CFAP20DC: variants seen among roughly 807,000 people sequenced by gnomAD.
CFAP20DC encodes CFAP20 domain containing, also known as protein CFAP20DC.
In CFAP20DC, 84 loss-of-function variants were observed where a neutral mutation model predicts 101.7. That is an observed-to-expected ratio of 0.83 (90% CI 0.69 to 0.99). CFAP20DC has a LOEUF of 0.99. Among genes scored for constraint, CFAP20DC ranks in the 50% least tolerant of loss-of-function variants. The probability of loss-of-function intolerance (pLI) is 0.00; values close to 1 mark genes in which losing one functional copy is unlikely to be tolerated. For synonymous variants in CFAP20DC, 359 were observed against 351.2 expected (o/e 1.02, Z -0.25); for missense variants, 1,007 against 970.3 (o/e 1.04, Z -0.50).
intron 15 of CFAP20DC, among the ~76,000 whole-genome samples, chr3:58,785,316 G>A (rs982828325): frequency 2.0e-5 from 3 of 152,048 alleles, no homozygotes; most frequent in African/African-American, 7.2e-5. Context: ...AGACAGGTTT[G>A]TTAATGGGTA....
At chr3:58,887,787 T>C (rs912365294) in intron 6 of CFAP20DC, among the ~76,000 whole-genome samples, 2 of 152,194 alleles carry the variant, frequency 1.3e-5, no homozygotes, top group African/African-American at 4.8e-5. Flanking sequence ...GGATTATTCT[T>C]TGAGGGAAAC....
intron 14 of CFAP20DC, among the ~76,000 whole-genome samples, chr3:58,816,955 A>T (rs2107852219): frequency 6.6e-6 from 1 of 152,328 alleles, no homozygotes; most frequent in South Asian, 2.1e-4. Flanking sequence ...GAACCAGCAG[A>T]CTGCCTCCTC....
chr3:58,779,908 T>C (rs1470234963), intron 15 of CFAP20DC, among the ~76,000 whole-genome samples: 2 of 152,042 alleles, frequency 1.3e-5, no homozygotes, highest in African/African-American at 2.4e-5. Flanking sequence ...TGGCACAGTA[T>C]AGTAAAAAAT....
intron 15 of CFAP20DC, among the ~76,000 whole-genome samples, chr3:58,803,465 C>A (rs2073849747): frequency 6.6e-6 from 1 of 152,120 alleles, no homozygotes; most frequent in Non-Finnish European, 1.5e-5. Flanking sequence ...ATTTTAGGGT[C>A]TAAAGCATTG....
rs2091406915 is a variant in CFAP20DC at position 58,964,690 on chromosome 3, T to C, written c.279-26928A>G. ...ATTTACATATTTTTGGTTTTGTGTG[T>C]ACATCAAATTGCACACACATTTTTG... is the stretch of plus-strand genomic sequence containing the variant. On this transcript the variant is annotated intron_variant, in intron 4 of 16. Transcript: ENST00000482387. The surrounding 1 kb of genome is among the most constrained non-coding windows in gnomAD (Gnocchi z 4.1). 6.6e-6 allele frequency among the ~76,000 whole-genome samples: 1 copy of C among 152,256 alleles called. No homozygotes were observed. Among genetic ancestry groups the C allele is most frequent in the East Asian group, 1.9e-4 (1 of 5,204 alleles).
At chr3:58,911,481 G>T (rs2084147593) in intron 6 of CFAP20DC, among the ~76,000 whole-genome samples, 1 of 152,078 alleles carries the variant, frequency 6.6e-6, no homozygotes. Flanking sequence ...ACATAAGCAG[G>T]CTTGTAGGAT....
chr3:58,733,223 T>C (rs2067680097), intron 3 of CFAP20DC, among the ~76,000 whole-genome samples: 1 of 152,114 alleles, frequency 6.6e-6, no homozygotes, highest in Non-Finnish European at 1.5e-5. Context: ...TCCCAGCTAC[T>C]CGGGAGGCTG....
chr3:58,777,091 A>G lies in CFAP20DC; in HGVS notation c.2238-23228T>C, dbSNP rs868727873. Among the ~76,000 whole-genome samples, 8 of 152,170 alleles carry G rather than the reference A, an allele frequency of 5.3e-5. No homozygotes were observed. The South Asian group carries it at 1.0e-3, about 20-fold the overall frequency. The stretch of plus-strand genomic sequence containing the variant: ...AATATAGCTACTTATCTCCCTCACA[A>G]ATAATTTCCTTGTGGATAAAGAACA... On this transcript the variant is annotated intron_variant, in intron 15 of 16. Transcript: ENST00000482387.
intron 11 of CFAP20DC, 36 bp downstream of exon 11, chr3:58,866,530 C>A: frequency 1.3e-6 from 2 of 1,511,166 alleles, no homozygotes; most frequent in Admixed American, 2.2e-5. Context: ...ACATTTTATT[C>A]ATTATTAACA....
intron 15 of CFAP20DC, chr3:58,794,464 G>A: frequency 2.8e-6 from 1 of 353,970 alleles, no homozygotes; most frequent in South Asian, 2.2e-5. Context: ...GACTTCTATG[G>A]TATTTATTAT....
chr3:58,941,663 G>C lies in CFAP20DC; in HGVS notation c.279-3901C>G, dbSNP rs376456649. Among the ~76,000 whole-genome samples, 38 of 152,008 alleles carry C rather than the reference G, an allele frequency of 2.5e-4. No individual in the cohort carries two copies. The Middle Eastern group carries it at 0.01, about 41-fold the overall frequency. ...GGCTCACTGCAAGCTCCGCCTCCTG[G>C]GTTCACGCCATTCTCCTGCCTCAGC... On this transcript the variant is annotated intron_variant, in intron 4 of 16. Coordinates refer to ENST00000482387, the MANE Select transcript of CFAP20DC (RefSeq NM_001394063.1).
chr3:58,953,086 T>C (rs945291682), intron 4 of CFAP20DC, among the ~76,000 whole-genome samples: 2 of 152,024 alleles, frequency 1.3e-5, no homozygotes, highest in Admixed American at 1.3e-4. Flanking sequence ...GGGTGGGAAG[T>C]ATTATTTTAG....
intron 3 of CFAP20DC, among the ~76,000 whole-genome samples, chr3:58,720,942 G>A (rs528089756): frequency 6.6e-6 from 1 of 152,320 alleles, no homozygotes; most frequent in East Asian, 1.9e-4. Context: ...GTGTCCACAT[G>A]CTTGCTTGGG....
Position 58,787,516 on chromosome 3 carries a change from A to C in CFAP20DC, c.2237+18879T>G, listed in dbSNP as rs570529587. Reference sequence around the variant, plus strand: ...AAAAAGAATAAATTAAAAAACCAACAAACAAACAAACAAAAAACTCCAATT... The same window carrying C: ...AAAAAGAATAAATTAAAAAACCAACCAACAAACAAACAAAAAACTCCAATT... On this transcript the variant is annotated intron_variant, in intron 15 of 16. Transcript: ENST00000482387. 1.5e-3 allele frequency among the ~76,000 whole-genome samples: 221 copies of C among 152,222 alleles called. 1 individual carries two copies. The highest frequency in any genetic ancestry group is 0.014 in the Middle Eastern group (4 of 294).
chr3:58,891,049 G>A (rs1260387201), intron 6 of CFAP20DC, among the ~76,000 whole-genome samples: 54 of 146,618 alleles, frequency 3.7e-4, no homozygotes, highest in Non-Finnish European at 5.9e-4. Context: ...CTGCAATCTC[G>A]GCACTTTGGG....
intron 4 of CFAP20DC, chr3:58,953,586 A>G (rs2090347249): frequency 6.6e-6 from 1 of 152,316 alleles, no homozygotes; most frequent in South Asian, 2.1e-4. Flanking sequence ...GGGAAAACAA[A>G]ATCATGTGCA....
Position 59,049,571 on chromosome 3 carries a change from G to A in CFAP20DC, c.21+40C>T, listed in dbSNP as rs1386005606. On this transcript the variant is annotated intron_variant, in intron 1 of 16. Coordinates refer to ENST00000482387, the MANE Select transcript of CFAP20DC (RefSeq NM_001394063.1). ...GATCACGGACTACCTCACCCAAGAG[G>A]AGAAAGGTATAGACAGGTTGGAGAA... 5.2e-6 allele frequency: 8 copies of A among 1,525,308 alleles called. No individual in the cohort carries two copies. The Admixed American group carries it at 5.9e-5, about 11-fold the overall frequency. The allele number at this position is 1,525,308 out of a possible 1,614,324, so 94.5% of individuals were successfully genotyped here.
chr3:58,962,667 C>T (rs1004287085), intron 4 of CFAP20DC, among the ~76,000 whole-genome samples: 4 of 152,246 alleles, frequency 2.6e-5, no homozygotes, highest in African/African-American at 9.6e-5. Context: ...TGGATCTATG[C>T]ATCGATTATG....
intron 14 of CFAP20DC, among the ~76,000 whole-genome samples, chr3:58,819,323 A>C (rs1217325655): frequency 6.6e-6 from 1 of 152,166 alleles, no homozygotes; most frequent in Non-Finnish European, 1.5e-5. Context: ...GAGACACAAA[A>C]AACCCTTCAA....
Sources: allele counts gnomAD v4.1 joint callset (sites outside exome capture counted in the v4.1 genomes callset), GRCh38; gene constraint gnomAD v4.1.1; non-coding constraint Gnocchi (gnomAD v3.1); transcripts MANE v1.5; gene names NCBI Gene and HGNC (gene_info 2026-07-23, HGNC 2026-07-21).